The following ATOSA variants were observed in gnomAD, a reference collection of about 807,000 sequenced individuals.
ATOSA encodes atos homolog protein A.
At chr15:52,628,396 G>A in the ATOSA span, among the ~76,000 whole-genome samples, 5 of 152,136 alleles carry the variant, frequency 3.3e-5, no homozygotes, top group South Asian at 2.1e-4. Flanking sequence ...TCTGATATGA[G>A]CCATGCCAGG....
At chr15:52,587,064 T>C in the ATOSA span, 1 of 1,593,066 alleles carries the variant, frequency 6.3e-7, no homozygotes, top group Non-Finnish European at 8.5e-7. Context: ...ACCAAAGTTG[T>C]TGCAGCAGCA....
chr15:52,593,594 G>A, the ATOSA span: 1 of 1,572,196 alleles, frequency 6.4e-7, no homozygotes, highest in Non-Finnish European at 8.6e-7. Context: ...AGGAGAGGGA[G>A]CATTGTCATC....
the ATOSA span, among the ~76,000 whole-genome samples, chr15:52,655,545 C>G: frequency 6.6e-6 from 1 of 152,130 alleles, no homozygotes; most frequent in East Asian, 1.9e-4. Flanking sequence ...AATCCTAGCT[C>G]TGATCAGCTT....
chr15:52,620,955 T>C, the ATOSA span, among the ~76,000 whole-genome samples: 1 of 152,126 alleles, frequency 6.6e-6, no homozygotes, highest in African/African-American at 2.4e-5. Flanking sequence ...AAAATAAAAA[T>C]AAAAAGTGTC....
chr15:52,664,805 G>C, the ATOSA span, among the ~76,000 whole-genome samples: 1 of 152,126 alleles, frequency 6.6e-6, no homozygotes, highest in Non-Finnish European at 1.5e-5. Flanking sequence ...GGGCAGGGTG[G>C]TGTGCGCCTA....
At chr15:52,648,646 A>G in the ATOSA span, 1 of 152,162 alleles carries the variant, frequency 6.6e-6, no homozygotes, top group Admixed American at 6.5e-5. Context: ...GAAAACAGAA[A>G]CCAACATAAA....
chr15:52,624,098 T>C, the ATOSA span, among the ~76,000 whole-genome samples: 10 of 152,212 alleles, frequency 6.6e-5, no homozygotes, highest in Admixed American at 3.9e-4. Flanking sequence ...CTTATTATTT[T>C]ATACCTGAAT....
chr15:52,581,987 T>G, the ATOSA span: 2 of 544,692 alleles, frequency 3.7e-6, no homozygotes, highest in Non-Finnish European at 6.1e-6. Flanking sequence ...TTTTCCAGTC[T>G]ACATGGAATA....
the ATOSA span, among the ~76,000 whole-genome samples, chr15:52,604,532 CAACT>C: frequency 6.6e-6 from 1 of 152,110 alleles, no homozygotes; most frequent in Non-Finnish European, 1.5e-5. Context: ...GTAGCCATAC[CAACT>C]AACTACTGAC....
At chr15:52,606,352 T>C in the ATOSA span, among the ~76,000 whole-genome samples, 2 of 152,140 alleles carry the variant, frequency 1.3e-5, no homozygotes. Context: ...CAGAAATTCA[T>C]AAAAATTACA....
the ATOSA span, chr15:52,593,533 G>C: frequency 5.3e-6 from 8 of 1,498,152 alleles, no homozygotes; most frequent in Non-Finnish European, 7.2e-6. Flanking sequence ...TTGTCATTAA[G>C]TTGGTTGATT....
At chr15:52,604,193 G>T in the ATOSA span, among the ~76,000 whole-genome samples, 2 of 152,304 alleles carry the variant, frequency 1.3e-5, no homozygotes, top group Non-Finnish European at 2.9e-5. Flanking sequence ...AGGCGGAGGC[G>T]GGCGGATCAC....
At chr15:52,677,506 T>C in the ATOSA span, among the ~76,000 whole-genome samples, 7 of 152,360 alleles carry the variant, frequency 4.6e-5, no homozygotes, top group South Asian at 2.1e-4. Flanking sequence ...TGCTGGTATA[T>C]TGAATACTGG....
the ATOSA span, among the ~76,000 whole-genome samples, chr15:52,583,510 T>C: frequency 6.6e-6 from 1 of 152,070 alleles, no homozygotes; most frequent in Non-Finnish European, 1.5e-5. Flanking sequence ...CTCAGCTTCC[T>C]GAGGAGCTGG....
the ATOSA span, among the ~76,000 whole-genome samples, chr15:52,646,180 A>T: frequency 6.6e-6 from 1 of 152,190 alleles, no homozygotes; most frequent in Non-Finnish European, 1.5e-5. Context: ...TTCCCACTGA[A>T]TGCGTCTATG....
chr15:52,589,714 T>C, the ATOSA span, among the ~76,000 whole-genome samples: 3 of 152,224 alleles, frequency 2.0e-5, no homozygotes, highest in East Asian at 1.9e-4. Context: ...ATCATTTTAA[T>C]TGATCAGCAT....
the ATOSA span, among the ~76,000 whole-genome samples, chr15:52,595,085 CA>C: frequency 6.6e-6 from 1 of 152,308 alleles, no homozygotes; most frequent in East Asian, 1.9e-4. Flanking sequence ...GATTCCTGAA[CA>C]AATTTACCTG....
At chr15:52,606,215 T>C in the ATOSA span, among the ~76,000 whole-genome samples, 176 of 152,142 alleles carry the variant, frequency 1.2e-3, no homozygotes, top group African/African-American at 4.2e-3. Context: ...TGGTGGAACA[T>C]GATACAGAAA....
At chr15:52,612,549 G>T in the ATOSA span, among the ~76,000 whole-genome samples, 2 of 145,556 alleles carry the variant, frequency 1.4e-5, no homozygotes, top group African/African-American at 5.1e-5. Flanking sequence ...TTGTCTCCCA[G>T]GCTGGAGTGT....
Sources: gnomAD v4.1 joint callset for allele counts (sites outside exome capture counted in the v4.1 genomes callset) on GRCh38, gnomAD v4.1.1 for gene constraint, MANE v1.5 for transcripts, NCBI Gene and HGNC (gene_info 2026-07-23, HGNC 2026-07-21) for gene names.